Variants in CPED1 observed in about 807,000 individuals in gnomAD.
CPED1 encodes the protein cadherin like and PC-esterase domain containing 1.
In CPED1, 114 loss-of-function variants were observed where a neutral mutation model predicts 128.2. The ratio of observed to expected loss-of-function variants is 0.89; its 90% CI spans 0.76 to 1.04. The LOEUF (loss-of-function observed/expected upper bound fraction) is 1.04. Ranked by LOEUF, CPED1 falls within the 50% of genes least tolerant of loss-of-function variation. The pLI is 0.00. For synonymous variants in CPED1, 462 were observed against 426.7 expected, an observed-to-expected ratio of 1.08 and a Z score of -1.02; for missense variants, 1,211 against 1,207.1, an observed-to-expected ratio of 1.00 and a Z score of -0.05.
chr7:121,199,673 C>CAAAAA (rs1160203035), intron 16 of CPED1, among the ~76,000 whole-genome samples: 10 of 86,938 alleles, frequency 1.2e-4, no homozygotes, highest in African/African-American at 4.2e-4. Context: ...GAGACTCCAT[C>CAAAAA]AAAAAAAAAA....
chr7:121,090,148 A>G (rs146030456), intron 5 of CPED1, among the ~76,000 whole-genome samples: 209 of 152,328 alleles, frequency 1.4e-3, no homozygotes, highest in African/African-American at 4.5e-3. Flanking sequence ...GAAAAAGACT[A>G]CAAAGAAGAG....
intron 7 of CPED1, among the ~76,000 whole-genome samples, chr7:121,108,510 C>T (rs10247551): frequency 0.025 from 3,757 of 152,014 alleles, 180 homozygotes; most frequent in African/African-American, 0.086. Context: ...ATATAATAAT[C>T]TTAATTTTTT....
At chr7:120,999,972 A>G (rs1791793443) in intron 2 of CPED1, among the ~76,000 whole-genome samples, 1 of 152,166 alleles carries the variant, frequency 6.6e-6, no homozygotes, top group Non-Finnish European at 1.5e-5. Flanking sequence ...AGATAGTGGC[A>G]GGAACTTCTG....
At chr7:121,253,171 A>T (rs1034322830) in intron 18 of CPED1, among the ~76,000 whole-genome samples, 5 of 152,046 alleles carry the variant, frequency 3.3e-5, no homozygotes, top group African/African-American at 1.2e-4. Flanking sequence ...AGGGACATGG[A>T]TGAAGCTGGA....
At chr7:121,273,720 C>T (rs1374499201) in intron 22 of CPED1, among the ~76,000 whole-genome samples, 1 of 152,136 alleles carries the variant, frequency 6.6e-6, no homozygotes, top group Non-Finnish European at 1.5e-5. Flanking sequence ...TTTGACCTAG[C>T]AGCTTGAAGC....
chr7:121,068,946 G>A (rs1408677576), intron 5 of CPED1, among the ~76,000 whole-genome samples: 2 of 152,116 alleles, frequency 1.3e-5, no homozygotes, highest in Non-Finnish European at 2.9e-5. Flanking sequence ...CATTTCAAAA[G>A]AGGAACCCAG....
intron 21 of CPED1, among the ~76,000 whole-genome samples, chr7:121,270,639 C>T (rs1158354189): frequency 6.6e-6 from 1 of 151,844 alleles, no homozygotes; most frequent in African/African-American, 2.4e-5. Flanking sequence ...ATTGAGGGTC[C>T]TTTTCCCATT....
intron 16 of CPED1, among the ~76,000 whole-genome samples, chr7:121,161,683 G>T (rs180880281): frequency 6.6e-6 from 1 of 152,318 alleles, no homozygotes; most frequent in African/African-American, 2.4e-5. Flanking sequence ...ACCATAAAGA[G>T]TGGGAGCTGC....
chr7:120,997,380 T>C (rs979788274), intron 2 of CPED1, among the ~76,000 whole-genome samples: 3 of 152,208 alleles, frequency 2.0e-5, no homozygotes, highest in Non-Finnish European at 4.4e-5. Flanking sequence ...AACAAGTTGA[T>C]AGTGTGGACA....
intron 3 of CPED1, among the ~76,000 whole-genome samples, chr7:121,034,715 T>A (rs1239869343): frequency 6.6e-6 from 1 of 152,174 alleles, no homozygotes; most frequent in Non-Finnish European, 1.5e-5. Context: ...TCGAACTTAC[T>A]TGTATATACC....
rs1162363195 is a variant in CPED1 at position 121,238,092 on chromosome 7, T to TC, written c.2173+1262dup. On this transcript the variant is annotated intron_variant, in intron 17 of 22. Coordinates refer to ENST00000310396, the MANE Select transcript of CPED1 (RefSeq NM_024913.5). ...AGACAAAAGTTCTTCAACAAAAAGT[T>TC]CAAGGTACATTACTGGGATTCTTCA... 3.3e-5 allele frequency among the ~76,000 whole-genome samples: 5 copies of TC among 152,322 alleles called. No homozygotes were observed. The East Asian group carries it at 9.7e-4, about 29-fold the overall frequency.
At position 121,267,294 on chromosome 7, in the gene CPED1, T is replaced by C; in HGVS notation, c.2713T>C (p.Leu905=). The C allele has an allele frequency of 1.3e-6, 2 of 1,573,734 alleles. No homozygotes were observed. Among genetic ancestry groups the C allele is most frequent in the Non-Finnish European group, 1.7e-6 (2 of 1,151,404 alleles). The change falls in exon 21 of 23, where the codon TTA becomes CTA. Residue 905 remains leucine (L), a synonymous_variant. Transcript: ENST00000310396. Reference sequence around the variant, plus strand: ...TCTGCCAGTGGATGGAGTACATTTCTTAACACAGGTAAGCACATTTCCTCT... The same window carrying C: ...TCTGCCAGTGGATGGAGTACATTTCCTAACACAGGTAAGCACATTTCCTCT... The part of the protein sequence containing the change: ...FHLPVDGVHF[L]TQSEVQNLWK...
intron 16 of CPED1, among the ~76,000 whole-genome samples, chr7:121,207,429 C>G (rs1458911576): frequency 6.6e-6 from 1 of 151,958 alleles, no homozygotes; most frequent in Non-Finnish European, 1.5e-5. Context: ...AAATATTCAT[C>G]CCAGTCCTGT....
intron 16 of CPED1, among the ~76,000 whole-genome samples, chr7:121,205,215 T>C (rs1797491889): frequency 6.6e-6 from 1 of 152,212 alleles, no homozygotes; most frequent in Admixed American, 6.5e-5. Context: ...GTTTTATGAG[T>C]GCATTAGAAA....
At chr7:121,141,394 C>A (rs1343192888) in intron 15 of CPED1, among the ~76,000 whole-genome samples, 3 of 152,070 alleles carry the variant, frequency 2.0e-5, no homozygotes, top group African/African-American at 7.2e-5. Flanking sequence ...ACCTCACTGG[C>A]TTTTTTTCCT....
At chr7:121,267,936 T>C (rs1792163175) in intron 21 of CPED1, among the ~76,000 whole-genome samples, 1 of 152,022 alleles carries the variant, frequency 6.6e-6, no homozygotes, top group African/African-American at 2.4e-5. Flanking sequence ...TGCTACTACC[T>C]TTCCCCAGCA....
chr7:121,205,726 T>C (rs1429404896), intron 16 of CPED1, among the ~76,000 whole-genome samples: 1 of 152,008 alleles, frequency 6.6e-6, no homozygotes, highest in Non-Finnish European at 1.5e-5. Context: ...CTAACATTTT[T>C]CTCCCTTTGA....
intron 4 of CPED1, among the ~76,000 whole-genome samples, chr7:121,060,984 G>A (rs1226136550): frequency 6.6e-6 from 1 of 152,078 alleles, no homozygotes; most frequent in Non-Finnish European, 1.5e-5. Flanking sequence ...CACCTTAAGA[G>A]CTGTAACACT....
intron 7 of CPED1, among the ~76,000 whole-genome samples, chr7:121,106,975 C>T (rs1257831523): frequency 6.6e-6 from 1 of 152,080 alleles, no homozygotes; most frequent in Non-Finnish European, 1.5e-5. Flanking sequence ...TTTCAAAGCA[C>T]TTTAAGCGTC....
Sources: allele counts gnomAD v4.1 joint callset (sites outside exome capture counted in the v4.1 genomes callset), GRCh38; gene constraint gnomAD v4.1.1; transcripts MANE v1.5; gene names NCBI Gene and HGNC (gene_info 2026-07-23, HGNC 2026-07-21).